The following MAML2 variants were observed in gnomAD, a reference collection of about 807,000 sequenced individuals.
MAML2 encodes the protein mastermind like transcriptional coactivator 2.
A neutral mutation model predicts 96.1 loss-of-function variants in MAML2; 22 were observed. The observed-to-expected ratio is 0.23, with a 90% CI of 0.16 to 0.33. The LOEUF is 0.33. Ranked by LOEUF, MAML2 falls within the 10% of genes least tolerant of loss-of-function variation. The pLI, the probability that MAML2 is intolerant of heterozygous loss-of-function variation, is 1.00. For missense variants in MAML2, 1,367 were observed against 1,392.4 expected, an observed-to-expected ratio of 0.98 and a Z score of 0.29; for synonymous variants, 561 against 521.3, an observed-to-expected ratio of 1.08 and a Z score of -1.04.
At chr11:96,122,623 A>T (rs989158630) in intron 1 of MAML2, among the ~76,000 whole-genome samples, 1 of 152,212 alleles carries the variant, frequency 6.6e-6, no homozygotes, top group African/African-American at 2.4e-5. Flanking sequence ...AGGCTGCAGT[A>T]AACTATCACA....
intron 1 of MAML2, among the ~76,000 whole-genome samples, chr11:96,256,795 GC>G (rs1004454683): frequency 3.3e-5 from 5 of 152,132 alleles, no homozygotes; most frequent in African/African-American, 1.2e-4. Flanking sequence ...CACATCTGAA[GC>G]CACATAAGTA....
At chr11:96,185,529 G>A (rs1393726545) in intron 1 of MAML2, among the ~76,000 whole-genome samples, 2 of 152,206 alleles carry the variant, frequency 1.3e-5, no homozygotes, top group Non-Finnish European at 2.9e-5. Flanking sequence ...GATTGTTCAT[G>A]CCTGTTACCC....
In MAML2 at chr11:96,339,534, C is replaced by T. The variant is rs148912983; in HGVS notation, c.513+1849G>A. 1.5e-3 allele frequency among the ~76,000 whole-genome samples: 228 copies of T among 152,342 alleles called. 3 individuals carry two copies. The highest frequency in any genetic ancestry group is 5.4e-3 in the African/African-American group (223 of 41,584). On this transcript the variant is annotated intron_variant, in intron 1 of 4. Coordinates refer to ENST00000524717, the MANE Select transcript of MAML2 (RefSeq NM_032427.4). ...ACAAGGGAAGCCCACTGTGGCTCTTCACGGCCCCGCTCCGGCCTTGACACC... is the reference window on the plus strand; with the variant it reads ...ACAAGGGAAGCCCACTGTGGCTCTTTACGGCCCCGCTCCGGCCTTGACACC...
intron 1 of MAML2, among the ~76,000 whole-genome samples, chr11:96,120,084 A>G (rs1203607070): frequency 6.6e-6 from 1 of 150,596 alleles, no homozygotes; most frequent in Non-Finnish European, 1.5e-5. Flanking sequence ...CAGCCTCCCG[A>G]GTAGCTGGGA....
intron 2 of MAML2, among the ~76,000 whole-genome samples, chr11:96,091,571 T>C (rs992574113): frequency 4.6e-5 from 7 of 152,174 alleles, no homozygotes; most frequent in African/African-American, 7.2e-5. Flanking sequence ...ATGACTAATT[T>C]ACTGCTTGGA....
chr11:96,341,380 T>C lies in MAML2; in HGVS notation c.513+3A>G. The C allele has an allele frequency of 6.6e-7, 1 of 1,512,240 alleles. No homozygotes were observed. Among genetic ancestry groups the C allele is most frequent in the South Asian group, 1.3e-5 (1 of 77,140 alleles). 93.7% of individuals were successfully genotyped at this position (1,512,240 alleles called of 1,614,324 possible). ...CAGAACCATGAGAAAGCCAGGTGCT[T>C]ACCGCAATCAGGGCTGAGTTCCTCT... On this transcript the variant is annotated splice_donor_region_variant and intron_variant, in intron 1 of 4. Transcript: ENST00000524717.
chr11:96,280,240 G>A (rs1863045664), intron 1 of MAML2, among the ~76,000 whole-genome samples: 1 of 152,092 alleles, frequency 6.6e-6, no homozygotes. Context: ...TAATATGCAT[G>A]GCAGTTTAAC....
intron 2 of MAML2, among the ~76,000 whole-genome samples, chr11:96,075,804 T>C (rs941507258): frequency 6.6e-6 from 1 of 152,230 alleles, no homozygotes; most frequent in African/African-American, 2.4e-5. Context: ...GGTTTGTGGC[T>C]GGTATCATAC....
Position 96,091,927 on chromosome 11 carries a change from C to T in MAML2, c.2104G>A (p.Gly702Arg). The change falls in exon 2 of 5, where the codon GGA (glycine) becomes AGA (arginine). Residue 702 changes from glycine (G) to arginine (R), a missense_variant. Physicochemically the swap from Gly to Arg is moderately radical, Grantham distance 125. Transcript: ENST00000524717. ...TGTTGGGAGACTTGGTATCCCATTC[C>T]TGCAATGGGCTGATTCTGCATTTGC... ...LQQMQNQPIA[G>R]MGYQVSQQQR... The T allele has an allele frequency of 6.2e-7, 1 of 1,613,362 alleles. No individual in the cohort carries two copies. The highest frequency in any genetic ancestry group is 8.5e-7 in the Non-Finnish European group (1 of 1,179,686).
At chr11:96,334,580 T>C (rs372738086) in intron 1 of MAML2, among the ~76,000 whole-genome samples, 2 of 152,180 alleles carry the variant, frequency 1.3e-5, no homozygotes, top group East Asian at 3.8e-4. Context: ...AACAGTTCTA[T>C]TTCTAACCCC....
chr11:96,032,311 G>A (rs1483162974), intron 2 of MAML2, among the ~76,000 whole-genome samples: 1 of 152,086 alleles, frequency 6.6e-6, no homozygotes, highest in Non-Finnish European at 1.5e-5. Flanking sequence ...TGTTTCCACT[G>A]GGTGCGGTGG....
At chr11:96,096,459 C>T (rs1345232784) in intron 1 of MAML2, among the ~76,000 whole-genome samples, 7 of 152,178 alleles carry the variant, frequency 4.6e-5, no homozygotes, top group African/African-American at 7.2e-5. Context: ...TTCCCCTCCC[C>T]GCTTTTGCAG....
chr11:96,342,008 A>T lies in MAML2; in HGVS notation c.-113T>A. The T allele has an allele frequency of 9.4e-7, 1 of 1,062,534 alleles. No individual in the cohort carries two copies. The highest frequency in any genetic ancestry group is 1.7e-5 in the South Asian group (1 of 59,830). The allele number at this position is 1,062,534 out of a possible 1,614,324, so 65.8% of individuals were successfully genotyped here. ...ATGTGAGCTCAGTGTTCAGGGCCAC[A>T]TGAATAGAGGTCTTCAGAGGTTGTG... On this transcript the variant is annotated 5_prime_UTR_variant, in exon 1 of 5. An upstream start codon of the reference 5' UTR is lost. Transcript: ENST00000524717.
At chr11:96,290,867 C>T (rs370806397) in intron 1 of MAML2, among the ~76,000 whole-genome samples, 2 of 152,066 alleles carry the variant, frequency 1.3e-5, no homozygotes, top group African/African-American at 4.8e-5. Flanking sequence ...GTATATAATG[C>T]TATGTGCCAT....
At chr11:96,170,079 T>C (rs1431376954) in intron 1 of MAML2, among the ~76,000 whole-genome samples, 1 of 152,232 alleles carries the variant, frequency 6.6e-6, no homozygotes, top group Admixed American at 6.5e-5. Context: ...TTCAAGAGGA[T>C]ACAGGTTCAG....
intron 2 of MAML2, among the ~76,000 whole-genome samples, chr11:96,026,214 G>T (rs570305542): frequency 1.1e-4 from 16 of 152,330 alleles, no homozygotes; most frequent in African/African-American, 3.8e-4. Flanking sequence ...GACTAAGAGT[G>T]TTCAAAGAAG....
chr11:96,111,265 G>T (rs2135832580), intron 1 of MAML2, among the ~76,000 whole-genome samples: 1 of 152,212 alleles, frequency 6.6e-6, no homozygotes, highest in Non-Finnish European at 1.5e-5. Flanking sequence ...TAGTGTCACA[G>T]GTGCTTTTTT....
At chr11:96,144,580 G>A (rs1262103512) in intron 1 of MAML2, among the ~76,000 whole-genome samples, 1 of 152,174 alleles carries the variant, frequency 6.6e-6, no homozygotes, top group African/African-American at 2.4e-5. Context: ...GACCTTAGAA[G>A]ATTAGAAGAG....
chr11:96,176,378 T>C (rs536385767), intron 1 of MAML2, among the ~76,000 whole-genome samples: 1 of 152,370 alleles, frequency 6.6e-6, no homozygotes, highest in Admixed American at 6.5e-5. Flanking sequence ...TTATGCGATT[T>C]ATATACATTA....
Sources: allele counts gnomAD v4.1 joint callset (sites outside exome capture counted in the v4.1 genomes callset), GRCh38; gene constraint gnomAD v4.1.1; transcripts MANE v1.5; gene names NCBI Gene and HGNC (gene_info 2026-07-23, HGNC 2026-07-21).